Variants in CCDC30 observed in about 807,000 individuals in gnomAD.
CCDC30 encodes coiled-coil domain containing 30, also known as coiled-coil domain-containing protein 30.
A neutral mutation model predicts 100.2 loss-of-function variants in CCDC30; 70 were observed. The observed-to-expected ratio is 0.70, with a 90% confidence interval of 0.58 to 0.85. The LOEUF (loss-of-function observed/expected upper bound fraction) is 0.85, where lower values mean the gene tolerates loss of function less well. Ranked by LOEUF, CCDC30 falls within the 40% of genes least tolerant of loss-of-function variation. The probability of loss-of-function intolerance (pLI) is 0.00; values close to 1 mark genes in which losing one functional copy is unlikely to be tolerated. For missense variants in CCDC30, 652 were observed against 771.2 expected (o/e 0.85, Z 1.83); for synonymous variants, 233 against 269.5 (o/e 0.86, Z 1.33).
chr1:42,595,625 C>A (rs1276033960), intron 10 of CCDC30: 1 of 152,040 alleles, frequency 6.6e-6, no homozygotes, highest in Non-Finnish European at 1.5e-5. Flanking sequence ...CCACTGAGAG[C>A]AAATTGTCAT....
At chr1:42,501,717 C>G (rs910199758) in intron 6 of CCDC30, among the ~76,000 whole-genome samples, 1 of 152,168 alleles carries the variant, frequency 6.6e-6, no homozygotes, top group African/African-American at 2.4e-5. Context: ...TGCTGGAGGT[C>G]CACTCCAGAC....
the CCDC30 span, chr1:42,457,087 G>GA: frequency 6.3e-7 from 1 of 1,584,330 alleles, no homozygotes; most frequent in Non-Finnish European, 8.6e-7. Flanking sequence ...CGTGCCCTAG[G>GA]AGTACCCCTT....
intron 12 of CCDC30, among the ~76,000 whole-genome samples, chr1:42,637,761 A>T (rs1647188020): frequency 6.6e-6 from 1 of 152,216 alleles, no homozygotes. Context: ...CAGTGAAAAT[A>T]GGTGATCCTT....
chr1:42,558,646 A>G (rs1297376498), intron 6 of CCDC30, among the ~76,000 whole-genome samples: 2 of 152,120 alleles, frequency 1.3e-5, no homozygotes, highest in Admixed American at 6.6e-5. Context: ...GTCTAATTCC[A>G]AAGTGAGGGT....
intron 7 of CCDC30, chr1:42,569,077 A>G (rs1430397007): frequency 6.6e-6 from 1 of 152,282 alleles, no homozygotes; most frequent in African/African-American, 2.4e-5. Context: ...AATGATACAG[A>G]GAAGATTAGC....
At chr1:42,522,746 C>T (rs1347308875) in intron 6 of CCDC30, among the ~76,000 whole-genome samples, 1 of 152,064 alleles carries the variant, frequency 6.6e-6, no homozygotes, top group Non-Finnish European at 1.5e-5. Flanking sequence ...ATGTGGAAGC[C>T]AAAATGTGGA....
upstream of CCDC30, among the ~76,000 whole-genome samples, chr1:42,460,713 C>T (rs540849607): frequency 1.1e-4 from 16 of 152,174 alleles, no homozygotes; most frequent in Non-Finnish European, 2.1e-4. Flanking sequence ...AGCTGTGCCA[C>T]CTATTAGCTT....
chr1:42,466,848 G>A (rs548961453), intron 1 of CCDC30, among the ~76,000 whole-genome samples: 11 of 152,152 alleles, frequency 7.2e-5, no homozygotes, highest in African/African-American at 1.2e-4. Context: ...CTCTGCGCCC[G>A]GCCAAGAATA....
At chr1:42,514,242 G>A (rs551061738) in intron 6 of CCDC30, among the ~76,000 whole-genome samples, 1 of 152,256 alleles carries the variant, frequency 6.6e-6, no homozygotes, top group South Asian at 2.1e-4. Flanking sequence ...ATGTTTTCAT[G>A]TCTCTTGGGG....
intron 6 of CCDC30, among the ~76,000 whole-genome samples, chr1:42,547,729 C>T (rs1472020039): frequency 6.6e-6 from 1 of 152,150 alleles, no homozygotes; most frequent in African/African-American, 2.4e-5. Context: ...TGTTTATCTC[C>T]TATTCCCCTC....
chr1:42,618,997 A>G (rs549089899), intron 11 of CCDC30, among the ~76,000 whole-genome samples: 3 of 152,352 alleles, frequency 2.0e-5, no homozygotes, highest in Admixed American at 1.3e-4. Context: ...ACATGGCCTC[A>G]TATAACTGCA....
chr1:42,566,476 G>A lies in CCDC30; in HGVS notation c.636+1G>A. 1 of 1,611,796 alleles carries A rather than the reference G, an allele frequency of 6.2e-7. No homozygotes were observed. Among genetic ancestry groups the A allele is most frequent in the Non-Finnish European group, 8.5e-7 (1 of 1,178,430 alleles). ...CTTACTTCAGGAAGAAAACATTAAGGTAACTCTTGTGGGCAAATGCTTTAT... is the reference window on the plus strand; with the variant it reads ...CTTACTTCAGGAAGAAAACATTAAGATAACTCTTGTGGGCAAATGCTTTAT... On this transcript the variant is annotated splice_donor_variant, in intron 7 of 16. Transcript: ENST00000668663. LOFTEE classifies it high-confidence loss of function.
chr1:42,615,594 C>T (rs1320906703), intron 11 of CCDC30, among the ~76,000 whole-genome samples: 4 of 151,956 alleles, frequency 2.6e-5, no homozygotes, highest in Admixed American at 6.6e-5. Flanking sequence ...TGAGCCACCG[C>T]GCCCGGCCAA....
At chr1:42,495,451 A>G (rs997548573) in intron 4 of CCDC30, among the ~76,000 whole-genome samples, 9 of 152,090 alleles carry the variant, frequency 5.9e-5, no homozygotes, top group African/African-American at 2.2e-4. Flanking sequence ...TCACATGTAT[A>G]CATATGTAAC....
At chr1:42,555,971 T>C (rs1419674152) in intron 6 of CCDC30, among the ~76,000 whole-genome samples, 185 bp from the exon 10 acceptor site, 1 of 152,198 alleles carries the variant, frequency 6.6e-6, no homozygotes, top group Non-Finnish European at 1.5e-5. Flanking sequence ...ATTACAGGCA[T>C]GAACCACCAT....
intron 7 of CCDC30, among the ~76,000 whole-genome samples, chr1:42,569,692 C>A (rs1293003732): frequency 1.3e-5 from 2 of 152,166 alleles, no homozygotes; most frequent in Non-Finnish European, 2.9e-5. Flanking sequence ...TTTATTGCAG[C>A]ACTATTCACA....
chr1:42,629,315 GT>G (rs778565167), intron 11 of CCDC30, among the ~76,000 whole-genome samples: 3 of 152,196 alleles, frequency 2.0e-5, no homozygotes, highest in Non-Finnish European at 2.9e-5. Flanking sequence ...TAGGGTAAAA[GT>G]TTTTTCCTTC....
At chr1:42,456,498 A>T in the CCDC30 span, 1 of 1,408,192 alleles carries the variant, frequency 7.1e-7, no homozygotes, top group Admixed American at 3.1e-5. Context: ...CGCGTACACC[A>T]GGTAGGCGAG....
At chr1:42,476,425 T>C (rs72659914) in intron 1 of CCDC30, among the ~76,000 whole-genome samples, 21,061 of 152,224 alleles carry the variant, frequency 0.14, 1,600 homozygotes, top group East Asian at 0.18. Flanking sequence ...GGTACACACT[T>C]AGGTGCTATT....
Sources: gnomAD v4.1 joint callset for allele counts (sites outside exome capture counted in the v4.1 genomes callset) on GRCh38, gnomAD v4.1.1 for gene constraint, MANE v1.5 for transcripts, NCBI Gene and HGNC (gene_info 2026-07-23, HGNC 2026-07-21) for gene names.